TMEM171: variants seen among roughly 807,000 people sequenced by gnomAD.
The protein encoded by TMEM171 is transmembrane protein 171.
A neutral mutation model predicts 19.1 loss-of-function variants in TMEM171; 16 were observed. The observed-to-expected ratio is 0.84, with a 90% CI of 0.57 to 1.27. The LOEUF is 1.27. TMEM171 is among the 50% of genes most tolerant of loss of function. The pLI is 0.00. For missense variants in TMEM171, 429 were observed against 412.7 expected (o/e 1.04, Z -0.34); for synonymous variants, 153 against 163.4 (o/e 0.94, Z 0.48).
intron 2 of TMEM171, among the ~76,000 whole-genome samples, chr5:73,126,234 T>C (rs1744160184): frequency 6.6e-6 from 1 of 152,164 alleles, no homozygotes; most frequent in Admixed American, 6.5e-5. Context: ...TATTCTACAG[T>C]GTGTAATGGA....
chr5:73,123,197 T>C (rs978940235), intron 1 of TMEM171, 109 bp from the exon 2 acceptor site: 1 of 903,126 alleles, frequency 1.1e-6, no homozygotes, highest in Admixed American at 3.0e-5. Flanking sequence ...TATAAAGTTC[T>C]ACCCCCAAGG....
Position 73,124,010 on chromosome 5 carries a change from G to A in TMEM171, c.637G>A (p.Val213Ile), listed in dbSNP as rs887313614. The A allele has an allele frequency of 1.4e-5, 22 of 1,532,628 alleles. No individual in the cohort carries two copies. Among genetic ancestry groups the A allele is most frequent in the Non-Finnish European group, 1.8e-5 (21 of 1,141,480 alleles). The allele number at this position is 1,532,628 out of a possible 1,614,324, so 94.9% of individuals were successfully genotyped here. A position where few individuals can be genotyped will look rare whatever the true frequency, so the allele number is the denominator to read the frequency against. The change falls in exon 2 of 4, where the codon GTA becomes ATA. Residue 213 changes from valine (V) to isoleucine (I), a missense_variant. Coordinates refer to ENST00000454765, the MANE Select transcript of TMEM171 (RefSeq NM_173490.8). ...IQIMEPVQVTVGDSVIIFPPP... is the reference protein window; with the variant it reads ...IQIMEPVQVTIGDSVIIFPPP... ...GATTATGGAGCCTGTCCAGGTCACT[G>A]TAGGTGGGTTGCTGTTATTTGCGTT...
chr5:73,128,983 C>A (rs1744262076), intron 3 of TMEM171, among the ~76,000 whole-genome samples: 1 of 152,150 alleles, frequency 6.6e-6, no homozygotes, highest in Admixed American at 6.5e-5. Flanking sequence ...ATCCTAGCTA[C>A]TCGGGAGGCT....
Position 73,123,758 on chromosome 5 carries a change from C to T in TMEM171, c.385C>T (p.Leu129=). 6.2e-7 allele frequency: 1 copy of T among 1,614,004 alleles called. No individual in the cohort carries two copies. The highest frequency in any genetic ancestry group is 8.5e-7 in the Non-Finnish European group (1 of 1,179,878). Residue 129 remains leucine, a synonymous_variant, in exon 2 of 4, where the codon CTG becomes TTG. Coordinates refer to ENST00000454765, the MANE Select transcript of TMEM171 (RefSeq NM_173490.8). The part of the protein sequence containing the change: ...FLTSGMLISV[L]GIWVPGCGSN... The stretch of plus-strand genomic sequence containing the variant: ...GACAAGCGGCATGCTCATCAGCGTC[C>T]TGGGCATTTGGGTCCCTGGATGTGG...
chr5:73,127,007 AGCC>A (rs1744179398), intron 2 of TMEM171, among the ~76,000 whole-genome samples: 1 of 152,166 alleles, frequency 6.6e-6, no homozygotes, highest in African/African-American at 2.4e-5. Context: ...AGTGAACAGT[AGCC>A]ACAGAAATGC....
chr5:73,129,271 C>T (rs1744269607), intron 3 of TMEM171, among the ~76,000 whole-genome samples: 2 of 152,194 alleles, frequency 1.3e-5, no homozygotes, highest in African/African-American at 4.8e-5. Context: ...TTTGTGTTCA[C>T]CTCATGTAAA....
Position 73,131,633 on chromosome 5 carries a change from C to T in TMEM171, c.878C>T (p.Thr293Ile). Residue 293 changes from threonine to isoleucine, a missense_variant, in exon 4 of 4, where the codon ACT (threonine) becomes ATT (isoleucine). By Grantham distance (89) the Thr-to-Ile change is moderately conservative. Transcript: ENST00000454765. ...AATTCATCTTCTGAGGCCTCACACA[C>T]TCCACATCTTCCATCTGAATTGCCT... ...GTNSSSEASHTPHLPSELPPR... is the reference protein window; with the variant it reads ...GTNSSSEASHIPHLPSELPPR... 6.2e-7 allele frequency: 1 copy of T among 1,613,994 alleles called. No homozygotes were observed. Among genetic ancestry groups the T allele is most frequent in the Middle Eastern group, 1.6e-4 (1 of 6,062 alleles).
In TMEM171 at chr5:73,120,577, G is replaced by A; in HGVS notation, c.-188G>A. On this transcript the variant is annotated 5_prime_UTR_variant, in exon 1 of 4. Coordinates refer to ENST00000454765, the MANE Select transcript of TMEM171 (RefSeq NM_173490.8). ...CTGCCGGGTCCGCCCTCCGCACCAG[G>A]ACGCGCGGTGGGTAGGGTGCAGGGC... 1.0e-6 allele frequency: 1 copy of A among 985,566 alleles called. No individual in the cohort carries two copies. The highest frequency in any genetic ancestry group is 1.2e-6 in the Non-Finnish European group (1 of 830,338). The allele number at this position is 985,566 out of a possible 1,614,324, so 61.1% of individuals were successfully genotyped here.
chr5:73,125,297 C>G (rs531306876), intron 2 of TMEM171, among the ~76,000 whole-genome samples: 1 of 152,298 alleles, frequency 6.6e-6, no homozygotes, highest in Non-Finnish European at 1.5e-5. Context: ...AGTGCTTTAT[C>G]ATGTGCTCTT....
Position 73,131,557 on chromosome 5 carries a change from G to C in TMEM171, c.802G>C (p.Gly268Arg). 6.2e-7 allele frequency: 1 copy of C among 1,600,120 alleles called. No homozygotes were observed. The highest frequency in any genetic ancestry group is 8.5e-7 in the Non-Finnish European group (1 of 1,174,338). The change falls in exon 4 of 4, where the codon GGT (glycine) becomes CGT (arginine). Residue 268 changes from glycine to arginine, a missense_variant. Gly to Arg is a moderately radical substitution (Grantham distance 125). Coordinates refer to ENST00000454765, the MANE Select transcript of TMEM171 (RefSeq NM_173490.8). ...FNYGRTPTSE[G>R]AASERDCESI... ...CTTTAGCAGGACCCCAACTTCAGAG[G>C]GTGCAGCCTCTGAAAGAGACTGTGA...
chr5:73,131,546 C>T lies in TMEM171; in HGVS notation c.791C>T (p.Pro264Leu), dbSNP rs1482041490. 3 of 1,594,452 alleles carry T rather than the reference C, an allele frequency of 1.9e-6. No individual in the cohort carries two copies. Among genetic ancestry groups the T allele is most frequent in the Non-Finnish European group, 2.6e-6 (3 of 1,171,892 alleles). The change falls in exon 4 of 4, where the codon CCA (proline) becomes CTA (leucine). Residue 264 changes from proline to leucine, a missense_variant. Physicochemically the swap from Pro to Leu is moderately conservative, Grantham distance 98. Coordinates refer to ENST00000454765, the MANE Select transcript of TMEM171 (RefSeq NM_173490.8). ...TCTCTCCTTCTCTTTAGCAGGACCC[C>T]AACTTCAGAGGGTGCAGCCTCTGAA... The part of the protein sequence containing the change: ...YYSIFNYGRT[P>L]TSEGAASERD...
chr5:73,123,465 TC>T lies in TMEM171; in HGVS notation c.93del (p.Leu32CysfsTer43). ...LIFCFFVFGA[V>X]LLCVGVLLSI... Reference sequence around the variant, plus strand: ...TTCTGCTTCTTTGTCTTCGGCGCCGTCTTGTTGTGTGTGGGAGTCCTGCTCT... The same window carrying T: ...TTCTGCTTCTTTGTCTTCGGCGCCGTTTGTTGTGTGTGGGAGTCCTGCTCT... On this transcript the variant is annotated frameshift_variant, in exon 2 of 4. Transcript: ENST00000454765. LOFTEE classifies it high-confidence loss of function. 1 of 1,614,034 alleles carries T rather than the reference TC, an allele frequency of 6.2e-7. No individual in the cohort carries two copies. The highest frequency in any genetic ancestry group is 8.5e-7 in the Non-Finnish European group (1 of 1,179,996).
At chr5:73,130,397 G>T (rs887249009) in intron 3 of TMEM171, among the ~76,000 whole-genome samples, 3 of 152,220 alleles carry the variant, frequency 2.0e-5, no homozygotes, top group African/African-American at 7.2e-5. Context: ...TTGTCACAGG[G>T]TGAAGCAGGT....
chr5:73,121,319 TGCAGCCGA>T (rs1744002647), intron 1 of TMEM171, among the ~76,000 whole-genome samples: 1 of 152,204 alleles, frequency 6.6e-6, no homozygotes, highest in Admixed American at 6.5e-5. Flanking sequence ...GATAGGACTT[TGCAGCCGA>T]GAATCACCCT....
intron 2 of TMEM171, among the ~76,000 whole-genome samples, chr5:73,126,688 C>A (rs1024138109): frequency 6.6e-6 from 1 of 152,190 alleles, no homozygotes; most frequent in Non-Finnish European, 1.5e-5. Flanking sequence ...TCAAGGAGGT[C>A]GCCTAGCTTG....
In TMEM171 at chr5:73,120,911, G is replaced by T. The variant is rs550302264; in HGVS notation, c.-69+215G>T. Among the ~76,000 whole-genome samples, 5 of 152,304 alleles carry T rather than the reference G, an allele frequency of 3.3e-5. No individual in the cohort carries two copies. The South Asian group carries it at 6.2e-4, about 19-fold the overall frequency. On this transcript the variant is annotated intron_variant, in intron 1 of 3. Transcript: ENST00000454765. ...ACAGAAGGCATTTGCCTCTCGTTTC[G>T]TTCCCCAAACGCACCATAGCTTTGG...
chr5:73,124,091 C>T (rs1194040077), intron 2 of TMEM171, 78 bp downstream of exon 2: 5 of 1,233,272 alleles, frequency 4.1e-6, no homozygotes, highest in African/African-American at 1.5e-5. Context: ...TCTTGGTTCT[C>T]GTCTGGATTC....
intron 2 of TMEM171, among the ~76,000 whole-genome samples, chr5:73,126,487 C>A (rs987505546): frequency 7.9e-5 from 12 of 152,178 alleles, no homozygotes; most frequent in African/African-American, 2.9e-4. Context: ...GAGCCAGTGG[C>A]CAATTGCCTC....
intron 1 of TMEM171, 146 bp downstream of exon 1, chr5:73,120,842 G>A (rs1743988941): frequency 7.9e-6 from 6 of 762,620 alleles, no homozygotes; most frequent in Non-Finnish European, 9.6e-6. Flanking sequence ...CCCTCCGGCT[G>A]TTGCTTGCGC....
Sources: gnomAD v4.1 joint callset for allele counts (sites outside exome capture counted in the v4.1 genomes callset) on GRCh38, gnomAD v4.1.1 for gene constraint, MANE v1.5 for transcripts, NCBI Gene and HGNC (gene_info 2026-07-23, HGNC 2026-07-21) for gene names.